SGSM2: variants seen among roughly 807,000 people sequenced by gnomAD.
SGSM2 encodes the protein small G protein signaling modulator 2.
SGSM2 carries 89 observed loss-of-function variants against 126.6 expected under a neutral mutation model. The ratio of observed to expected loss-of-function variants is 0.70; its 90% CI spans 0.59 to 0.84. The LOEUF (loss-of-function observed/expected upper bound fraction) is 0.84. SGSM2 is among the 40% of genes least tolerant of loss of function. The pLI is 0.00. For synonymous variants in SGSM2, 614 were observed against 574.3 expected, an observed-to-expected ratio of 1.07 and a Z score of -0.99; for missense variants, 1,404 against 1,416.6, an observed-to-expected ratio of 0.99 and a Z score of 0.14.
At chr17:2,379,388 C>T (rs975641949) in intron 23 of SGSM2, 44 bp from the exon 24 acceptor site, 1 of 1,586,580 alleles carries the variant, frequency 6.3e-7, no homozygotes, top group Admixed American at 1.7e-5. Context: ...TAGCCTGCTG[C>T]CCTTTCTCTG....
At chr17:2,374,897 C>T (rs192858682) in intron 17 of SGSM2, among the ~76,000 whole-genome samples, 60 of 152,274 alleles carry the variant, frequency 3.9e-4, no homozygotes, top group Non-Finnish European at 6.9e-4. Context: ...CTGTATGTGT[C>T]TCTTCTTTTC....
rs1003009763 is a variant in SGSM2 at position 2,380,326 on chromosome 17, G to A, written c.*806G>A. ...TTTGCCAGTGGATGATCTGGAATGC[G>A]ACCGGAGCACTTGCTCTGAGGAATC... On this transcript the variant is annotated 3_prime_UTR_variant, in exon 24 of 24. Coordinates refer to ENST00000268989, the MANE Select transcript of SGSM2 (RefSeq NM_014853.3). The A allele has an allele frequency of 8.5e-6, 13 of 1,534,526 alleles. No homozygotes were observed. Among genetic ancestry groups the A allele is most frequent in the African/African-American group, 4.1e-5 (3 of 73,028 alleles).
At chr17:2,368,444 C>T (rs1159482655) in intron 12 of SGSM2, among the ~76,000 whole-genome samples, 1 of 152,206 alleles carries the variant, frequency 6.6e-6, no homozygotes, top group Admixed American at 6.5e-5. Flanking sequence ...TTGCTTCTCC[C>T]TTTCCCCGCC....
chr17:2,352,855 G>A (rs1181746303), intron 2 of SGSM2, among the ~76,000 whole-genome samples: 15 of 116,334 alleles, frequency 1.3e-4, no homozygotes, highest in South Asian at 3.1e-4. Context: ...TCGGCTCACT[G>A]CAAGCTCTGC....
chr17:2,378,032 T>C (rs1043278286), intron 22 of SGSM2, 79 bp downstream of exon 22: 85 of 927,982 alleles, frequency 9.2e-5, no homozygotes, highest in Non-Finnish European at 1.3e-4. Flanking sequence ...CAGTTCTCAA[T>C]CCTAACTGGA....
chr17:2,380,116 G>A lies in SGSM2; in HGVS notation c.*596G>A. 7.1e-7 allele frequency: 1 copy of A among 1,402,558 alleles called. No individual in the cohort carries two copies. Among genetic ancestry groups the A allele is most frequent in the Non-Finnish European group, 9.2e-7 (1 of 1,081,138 alleles). The allele number at this position is 1,402,558 out of a possible 1,614,324, so 86.9% of individuals were successfully genotyped here. A position where few individuals can be genotyped will look rare whatever the true frequency, so the allele number is the denominator to read the frequency against. ...ATTCTGGGGCAGTCGGAAGATGTGG[G>A]CCCTGGGTGGGAGCAGCCCACTTCA... On this transcript the variant is annotated 3_prime_UTR_variant, in exon 24 of 24. Transcript: ENST00000268989.
At position 2,363,060 on chromosome 17, in the gene SGSM2, G is replaced by A; in HGVS notation, c.598G>A (p.Glu200Lys). ...DHYWTDPSADELVQRHRIRGP... is the reference protein window; with the variant it reads ...DHYWTDPSADKLVQRHRIRGP... ...CTACTGGACTGACCCCTCTGCTGATGAGCTGGTCCAGCGGCACCGCATCCG... is the reference window on the plus strand; with the variant it reads ...CTACTGGACTGACCCCTCTGCTGATAAGCTGGTCCAGCGGCACCGCATCCG... The change falls in exon 6 of 24, where the codon GAG (glutamate) becomes AAG (lysine). Residue 200 changes from glutamate to lysine, a missense_variant. Physicochemically the swap from Glu to Lys is moderately conservative, Grantham distance 56. Coordinates refer to ENST00000268989, the MANE Select transcript of SGSM2 (RefSeq NM_014853.3). The surrounding 1 kb of genome is among the most constrained non-coding windows in gnomAD (Gnocchi z 4.2). 6.2e-7 allele frequency: 1 copy of A among 1,613,934 alleles called. No individual in the cohort carries two copies. Among genetic ancestry groups the A allele is most frequent in the Non-Finnish European group, 8.5e-7 (1 of 1,180,040 alleles).
At position 2,364,594 on chromosome 17, in the gene SGSM2, A is replaced by C; in HGVS notation, c.933-2A>C. On this transcript the variant is annotated splice_acceptor_variant, in intron 8 of 23. Coordinates refer to ENST00000268989, the MANE Select transcript of SGSM2 (RefSeq NM_014853.3). LOFTEE classifies it high-confidence loss of function. ...AGTGACAGCAGTCTGGTTCCTTTCTAGCGTTTACTGGGACTATGCCCTCGT... is the reference window on the plus strand; with the variant it reads ...AGTGACAGCAGTCTGGTTCCTTTCTCGCGTTTACTGGGACTATGCCCTCGT... 1 of 1,614,154 alleles carries C rather than the reference A, an allele frequency of 6.2e-7. No homozygotes were observed. The highest frequency in any genetic ancestry group is 8.5e-7 in the Non-Finnish European group (1 of 1,179,978).
chr17:2,352,676 G>C (rs2064905574), intron 2 of SGSM2, among the ~76,000 whole-genome samples: 1 of 151,902 alleles, frequency 6.6e-6, no homozygotes, highest in Admixed American at 6.6e-5. Context: ...ATGCACATGA[G>C]AGCCAAGGCA....
At position 2,352,925 on chromosome 17, in the gene SGSM2, CCG is replaced by C. The variant is rs1567810806; in HGVS notation, c.134-8710_134-8709del. Among the ~76,000 whole-genome samples the C allele has an allele frequency of 1.7e-3, 248 of 144,738 alleles. 2 individuals carry two copies. Among genetic ancestry groups the C allele is most frequent in the African/African-American group, 6.1e-3 (236 of 38,576 alleles). 95.0% of individuals were successfully genotyped at this position (144,738 alleles called of 152,430 possible). A position where few individuals can be genotyped will look rare whatever the true frequency, so the allele number is the denominator to read the frequency against. On this transcript the variant is annotated intron_variant, in intron 2 of 23. Transcript: ENST00000268989. ...CCCGAGTAGCTGGGACTACAGGCGTCCGCCACCACGCCCGGCTAATTTTTTGT... is the reference window on the plus strand; with the variant it reads ...CCCGAGTAGCTGGGACTACAGGCGTCCCACCACGCCCGGCTAATTTTTTGT...
Position 2,337,745 on chromosome 17 carries a change from G to T in SGSM2, c.57G>T (p.Glu19Asp). 1 of 1,536,864 alleles carries T rather than the reference G, an allele frequency of 6.5e-7. No individual in the cohort carries two copies. Among genetic ancestry groups the T allele is most frequent in the Admixed American group, 1.9e-5 (1 of 52,714 alleles). Residue 19 changes from glutamate (E) to aspartate (D), a missense_variant and splice_region_variant, in exon 1 of 24, where the codon GAG (glutamate) becomes GAT (aspartate). Physicochemically the swap from Glu to Asp is conservative, Grantham distance 45. Coordinates refer to ENST00000268989, the MANE Select transcript of SGSM2 (RefSeq NM_014853.3). This position sits in a 1 kb window ranked among gnomAD's most constrained non-coding sequence, Gnocchi z 5.1. ...KEKLLWNVKK[E>D]VKQIMEEAVT... ...AACTGCTGTGGAACGTGAAGAAGGAGGTAAAGTCGAGTCAAGAACCCCGGG... is the reference window on the plus strand; with the variant it reads ...AACTGCTGTGGAACGTGAAGAAGGATGTAAAGTCGAGTCAAGAACCCCGGG...
chr17:2,364,282 C>G, intron 8 of SGSM2, 99 bp downstream of exon 8: 1 of 1,472,026 alleles, frequency 6.8e-7, no homozygotes, highest in Non-Finnish European at 9.3e-7. Flanking sequence ...GGAGGCCAAC[C>G]TCACTCTTTA....
In SGSM2 at chr17:2,343,147, A is replaced by G. The variant is rs143571454; in HGVS notation, c.58-398A>G. On this transcript the variant is annotated intron_variant, in intron 1 of 23. Transcript: ENST00000268989. ...CCCCTAACCTTGGAGAATAGGGAGAAAAGGAGGAGGGGCAGGTTGTTTATC... is the reference window on the plus strand; with the variant it reads ...CCCCTAACCTTGGAGAATAGGGAGAGAAGGAGGAGGGGCAGGTTGTTTATC... Among the ~76,000 whole-genome samples the G allele has an allele frequency of 4.4e-3, 673 of 152,270 alleles. 6 individuals carry two copies. The highest frequency in any genetic ancestry group is 0.015 in the African/African-American group (638 of 41,556).
At chr17:2,338,745 G>A (rs1018023060) in intron 1 of SGSM2, among the ~76,000 whole-genome samples, 4 of 140,712 alleles carry the variant, frequency 2.8e-5, no homozygotes, top group African/African-American at 7.7e-5. Context: ...CTAATTCTGT[G>A]TGACCTTGAG....
chr17:2,340,102 C>T (rs1275554876), intron 1 of SGSM2, among the ~76,000 whole-genome samples: 1 of 151,792 alleles, frequency 6.6e-6, no homozygotes, highest in Admixed American at 6.6e-5. Flanking sequence ...AGGTTAGTCA[C>T]AGATAATGGG....
In SGSM2 at chr17:2,362,019, T is replaced by C; in HGVS notation, c.297-90T>C. The C allele has an allele frequency of 1.3e-6, 2 of 1,485,246 alleles. No individual in the cohort carries two copies. Among genetic ancestry groups the C allele is most frequent in the South Asian group, 1.3e-5 (1 of 77,904 alleles). The allele number at this position is 1,485,246 out of a possible 1,614,324, so 92.0% of individuals were successfully genotyped here. A position where few individuals can be genotyped will look rare whatever the true frequency, so the allele number is the denominator to read the frequency against. On this transcript the variant is annotated intron_variant, in intron 3 of 23. Coordinates refer to ENST00000268989, the MANE Select transcript of SGSM2 (RefSeq NM_014853.3). This position sits in a 1 kb window ranked among gnomAD's most constrained non-coding sequence, Gnocchi z 4.9. ...CCCCAGTCAGTTCTCTGTGCTCCCATCTTGGGGTACCAAGCCCCACTCCCA... is the reference window on the plus strand; with the variant it reads ...CCCCAGTCAGTTCTCTGTGCTCCCACCTTGGGGTACCAAGCCCCACTCCCA...
chr17:2,365,785 T>C lies in SGSM2; in HGVS notation c.1288+444T>C, dbSNP rs367848123. ...TTTTTGAGACGACGTCTCGCTCTTT[T>C]ACCCAGGCTGGAGTTTAATGGCGTG... is the stretch of plus-strand genomic sequence containing the variant. On this transcript the variant is annotated intron_variant, in intron 11 of 23. Coordinates refer to ENST00000268989, the MANE Select transcript of SGSM2 (RefSeq NM_014853.3). Among the ~76,000 whole-genome samples, 26 of 151,434 alleles carry C rather than the reference T, an allele frequency of 1.7e-4. No homozygotes were observed. In the East Asian group the frequency reaches 5.1e-3, roughly 29 times the overall value.
chr17:2,373,101 A>AT lies in SGSM2; in HGVS notation c.1917+21dup. ...GAGCAGGTGAGGGGAGCCTGTTCCCATGGGGCTGATGAGATGGGGAGCTGG... is the reference window on the plus strand; with the variant it reads ...GAGCAGGTGAGGGGAGCCTGTTCCCATTGGGGCTGATGAGATGGGGAGCTGG... On this transcript the variant is annotated intron_variant, in intron 16 of 23. Coordinates refer to ENST00000268989, the MANE Select transcript of SGSM2 (RefSeq NM_014853.3). 1 of 1,592,448 alleles carries AT rather than the reference A, an allele frequency of 6.3e-7. No individual in the cohort carries two copies. The highest frequency in any genetic ancestry group is 8.5e-7 in the Non-Finnish European group (1 of 1,171,462).
chr17:2,376,812 A>G lies in SGSM2; in HGVS notation c.2689A>G (p.Asn897Asp), dbSNP rs778600763. Reference sequence around the variant, plus strand: ...GGCGCCTCTCCTGGTCACCCTCGACAATGGTGAGGGATGGCGGGACATGGG... The same window carrying G: ...GGCGCCTCTCCTGGTCACCCTCGACGATGGTGAGGGATGGCGGGACATGGG... The part of the protein sequence containing the change: ...LLAPLLVTLD[N>D]DQLAYSCFSH... The change falls in exon 20 of 24, where the codon AAT (asparagine) becomes GAT (aspartate). Residue 897 changes from asparagine to aspartate, a missense_variant. Coordinates refer to ENST00000268989, the MANE Select transcript of SGSM2 (RefSeq NM_014853.3). 4 of 1,613,962 alleles carry G rather than the reference A, an allele frequency of 2.5e-6. No individual in the cohort carries two copies. Among genetic ancestry groups the G allele is most frequent in the Non-Finnish European group, 2.5e-6 (3 of 1,180,028 alleles).
Sources: allele counts gnomAD v4.1 joint callset (sites outside exome capture counted in the v4.1 genomes callset), GRCh38; gene constraint gnomAD v4.1.1; non-coding constraint Gnocchi (gnomAD v3.1); transcripts MANE v1.5; gene names NCBI Gene and HGNC (gene_info 2026-07-23, HGNC 2026-07-21).